The following PRDM2 variants were observed in gnomAD, a reference collection of about 807,000 sequenced individuals.
PRDM2 encodes PR domain zinc finger protein 2.
A neutral mutation model predicts 130.0 loss-of-function variants in PRDM2; 30 were observed. The observed-to-expected ratio is 0.23, with a 90% CI of 0.17 to 0.31. The LOEUF is 0.31. Among genes scored for constraint, PRDM2 ranks in the 10% least tolerant of loss-of-function variants. The pLI, the probability that PRDM2 is intolerant of heterozygous loss-of-function variation, is 1.00. For synonymous variants in PRDM2, 871 were observed against 782.4 expected (o/e 1.11, Z -1.89); for missense variants, 2,011 against 2,108.4 (o/e 0.95, Z 0.90).
chr1:13,817,657 A>T (rs552779943), intron 9 of PRDM2, among the ~76,000 whole-genome samples: 1 of 151,916 alleles, frequency 6.6e-6, no homozygotes, highest in Admixed American at 6.6e-5. Context: ...AAAAGGCTCA[A>T]ATCCCATTTA....
intron 8 of PRDM2, chr1:13,787,076 T>A: frequency 3.0e-6 from 3 of 985,556 alleles, no homozygotes; most frequent in East Asian, 1.1e-4. Flanking sequence ...TTCGTTTTTT[T>A]AAATCACAAG....
At position 13,710,560 on chromosome 1, in the gene PRDM2, A is replaced by G. The variant is rs542773692; in HGVS notation, c.-65-4981A>G. 2.6e-5 allele frequency among the ~76,000 whole-genome samples: 4 copies of G among 152,316 alleles called. No individual in the cohort carries two copies. In the East Asian group the frequency reaches 5.8e-4, roughly 22 times the overall value. The stretch of plus-strand genomic sequence containing the variant: ...TATGTAAAATAGAGATCAAGCTCTT[A>G]TTTTCTAAGAGTGCATGCTCTTCTG... On this transcript the variant is annotated intron_variant, in intron 1 of 9. Transcript: ENST00000311066.
rs561984464 is a variant in PRDM2, at chr1:13,735,255, A to C, written c.231+2373A>C. 1.7e-4 allele frequency among the ~76,000 whole-genome samples: 26 copies of C among 152,366 alleles called. No homozygotes were observed. In the South Asian group the frequency reaches 5.0e-3, roughly 29 times the overall value. ...AAATCAGAAATAACAGGAGAGAAAC[A>C]GTAGAGTATCCTCAGGGTGAATGCA... On this transcript the variant is annotated intron_variant, in intron 4 of 9. Transcript: ENST00000311066.
intron 2 of PRDM2, among the ~76,000 whole-genome samples, chr1:13,719,343 G>A (rs969124083): frequency 6.6e-6 from 1 of 152,208 alleles, no homozygotes; most frequent in African/African-American, 2.4e-5. Flanking sequence ...TTCATGAAAC[G>A]GAGAGCAAGC....
Position 13,775,505 on chromosome 1 carries a change from G to A in PRDM2, c.622+2317G>A, listed in dbSNP as rs144176832. On this transcript the variant is annotated intron_variant, in intron 7 of 9. Coordinates refer to ENST00000311066, the MANE Select transcript of PRDM2 (RefSeq NM_001393986.1). ...TTTCCCACTTTGTGGAAAGCTCATG[G>A]AATTTATGAAATTAGTCTAGGGGGA... Among the ~76,000 whole-genome samples the A allele has an allele frequency of 2.2e-3, 330 of 152,274 alleles. 7 individuals are homozygous for A. The South Asian group carries it at 0.048, about 22-fold the overall frequency.
chr1:13,780,798 T>C lies in PRDM2; in HGVS notation c.3003T>C (p.Ser1001=). Residue 1001 remains serine, a synonymous_variant, in exon 8 of 10, where the codon AGT becomes AGC. Coordinates refer to ENST00000311066, the MANE Select transcript of PRDM2 (RefSeq NM_001393986.1). ...PTVPLPAPSS[S]ASPHPCPSPL... The stretch of plus-strand genomic sequence containing the variant: ...TACCTCTTCCAGCCCCCTCTTCCAG[T>C]GCATCTCCACACCCATGCCCCTCTC... 1 of 1,572,122 alleles carries C rather than the reference T, an allele frequency of 6.4e-7. No individual in the cohort carries two copies. The highest frequency in any genetic ancestry group is 8.6e-7 in the Non-Finnish European group (1 of 1,156,198).
chr1:13,729,842 C>T (rs999034014), intron 2 of PRDM2, among the ~76,000 whole-genome samples: 2 of 152,078 alleles, frequency 1.3e-5, no homozygotes, highest in Non-Finnish European at 2.9e-5. Flanking sequence ...TGAAGCAGGC[C>T]AGAGAGTAGA....
At chr1:13,721,534 T>C (rs1247023093) in intron 2 of PRDM2, among the ~76,000 whole-genome samples, 2 of 152,176 alleles carry the variant, frequency 1.3e-5, no homozygotes, top group Non-Finnish European at 2.9e-5. Flanking sequence ...TTTAGGAAAT[T>C]AGCATGTTGA....
rs978964402 is a variant in PRDM2 at position 13,803,717 on chromosome 1, G to A, written c.5037-12710G>A. On this transcript the variant is annotated intron_variant, in intron 8 of 9. Coordinates refer to ENST00000311066, the MANE Select transcript of PRDM2 (RefSeq NM_001393986.1). The surrounding 1 kb of genome is among the most constrained non-coding windows in gnomAD (Gnocchi z 6.2). ...AGCCGGGGGCTTTCCCCGCGGGCAGGTTCTCCGGGCCGAGGTCACTGCAGG... is the reference window on the plus strand; with the variant it reads ...AGCCGGGGGCTTTCCCCGCGGGCAGATTCTCCGGGCCGAGGTCACTGCAGG... 2.0e-5 allele frequency among the ~76,000 whole-genome samples: 3 copies of A among 152,194 alleles called. No homozygotes were observed. The highest frequency in any genetic ancestry group is 7.2e-5 in the African/African-American group (3 of 41,456).
At chr1:13,770,254 A>G (rs1000803268) in intron 6 of PRDM2, 2 of 447,610 alleles carry the variant, frequency 4.5e-6, no homozygotes, top group African/African-American at 2.1e-5. Flanking sequence ...AATAAAGGAC[A>G]TTTGACATTT....
intron 8 of PRDM2, among the ~76,000 whole-genome samples, chr1:13,808,538 G>A (rs192129617): frequency 3.8e-3 from 570 of 151,544 alleles, no homozygotes; most frequent in African/African-American, 0.013. Context: ...TGAGGACTAC[G>A]TATCTCATTC....
intron 4 of PRDM2, among the ~76,000 whole-genome samples, chr1:13,736,259 CT>C (rs1464682675): frequency 6.6e-6 from 1 of 152,004 alleles, no homozygotes; most frequent in Non-Finnish European, 1.5e-5. Flanking sequence ...GCCTGTGCCA[CT>C]ATGCCACTAT....
At position 13,816,424 on chromosome 1, in the gene PRDM2, C is replaced by T. The variant is rs766134064; in HGVS notation, c.5037-3C>T. Reference sequence around the variant, plus strand: ...AATGTGTGTTGTTCCTCTTCCTGCACAGCTACAGCCTCCGCTTGGCGTCCC... The same window carrying T: ...AATGTGTGTTGTTCCTCTTCCTGCATAGCTACAGCCTCCGCTTGGCGTCCC... On this transcript the variant is annotated splice_region_variant and splice_polypyrimidine_tract_variant and intron_variant, in intron 8 of 9. Coordinates refer to ENST00000311066, the MANE Select transcript of PRDM2 (RefSeq NM_001393986.1). The T allele has an allele frequency of 4.3e-6, 7 of 1,614,058 alleles. No individual in the cohort carries two copies. Among genetic ancestry groups the T allele is most frequent in the Middle Eastern group, 1.6e-4 (1 of 6,062 alleles).
Position 13,794,209 on chromosome 1 carries a change from A to C in PRDM2, c.5036+11378A>C, listed in dbSNP as rs537512077. 3.3e-5 allele frequency among the ~76,000 whole-genome samples: 5 copies of C among 152,266 alleles called. No homozygotes were observed. In the South Asian group the frequency reaches 8.3e-4, roughly 25 times the overall value. ...GTACGGGCATTGGCTCTGGACCTGGAAGGCTGATCAGCTGGCACCTCCTCC... is the reference window on the plus strand; with the variant it reads ...GTACGGGCATTGGCTCTGGACCTGGCAGGCTGATCAGCTGGCACCTCCTCC... On this transcript the variant is annotated intron_variant, in intron 8 of 9. Coordinates refer to ENST00000311066, the MANE Select transcript of PRDM2 (RefSeq NM_001393986.1).
At position 13,779,841 on chromosome 1, in the gene PRDM2, G is replaced by A; in HGVS notation, c.2046G>A (p.Glu682=). 1 of 1,614,204 alleles carries A rather than the reference G, an allele frequency of 6.2e-7. No individual in the cohort carries two copies. Among genetic ancestry groups the A allele is most frequent in the Non-Finnish European group, 8.5e-7 (1 of 1,180,038 alleles). The change falls in exon 8 of 10, where the codon GAG becomes GAA. Residue 682 remains glutamate (E), a synonymous_variant. Coordinates refer to ENST00000311066, the MANE Select transcript of PRDM2 (RefSeq NM_001393986.1). The surrounding 1 kb of genome is among the most constrained non-coding windows in gnomAD (Gnocchi z 4.9). ...CAGAGGCAGTGTCTTTCCACAAAGAGAAAAGTGTTTATTTGTCATCAAAGC... is the reference window on the plus strand; with the variant it reads ...CAGAGGCAGTGTCTTTCCACAAAGAAAAAAGTGTTTATTTGTCATCAAAGC... ...STTEAVSFHK[E]KSVYLSSKLK...
chr1:13,789,253 T>C (rs1171498011), intron 8 of PRDM2, among the ~76,000 whole-genome samples: 2 of 152,252 alleles, frequency 1.3e-5, no homozygotes, highest in East Asian at 1.9e-4. Context: ...CCTGTTACCA[T>C]TGAAACATTT....
intron 8 of PRDM2, among the ~76,000 whole-genome samples, chr1:13,811,882 A>AG (rs1205079678): frequency 2.0e-5 from 3 of 152,214 alleles, no homozygotes; most frequent in Non-Finnish European, 2.9e-5. Flanking sequence ...ACAAGGTGGG[A>AG]GGGAGCTGTG....
At chr1:13,786,084 C>T (rs1363663602) in intron 8 of PRDM2, among the ~76,000 whole-genome samples, 3 of 151,954 alleles carry the variant, frequency 2.0e-5, no homozygotes, top group Non-Finnish European at 4.4e-5. Context: ...ATGATCCGCC[C>T]GTCTCGGCCT....
intron 8 of PRDM2, chr1:13,787,330 C>G: frequency 1.0e-6 from 1 of 984,988 alleles, no homozygotes; most frequent in Non-Finnish European, 1.2e-6. Flanking sequence ...AGGTTTTACA[C>G]TTGCATCTCT....
Sources: allele counts gnomAD v4.1 joint callset (sites outside exome capture counted in the v4.1 genomes callset), GRCh38; gene constraint gnomAD v4.1.1; non-coding constraint Gnocchi (gnomAD v3.1); transcripts MANE v1.5; gene names NCBI Gene and HGNC (gene_info 2026-07-23, HGNC 2026-07-21).